Variants in ASB2 observed in about 807,000 individuals in gnomAD.
ASB2 encodes the protein ankyrin repeat and SOCS box containing 2.
ASB2 carries 58 observed loss-of-function variants against 62.4 expected under a neutral mutation model. The observed-to-expected ratio is 0.93, with a 90% CI of 0.75 to 1.16. The LOEUF (loss-of-function observed/expected upper bound fraction) is 1.16, where lower values mean the gene tolerates loss of function less well. Ranked by LOEUF, ASB2 falls within the 50% of genes most tolerant of loss-of-function variation. The pLI is 0.00. For missense variants in ASB2, 928 were observed against 887.9 expected (o/e 1.05, Z -0.57); for synonymous variants, 386 against 385.3 (o/e 1.00, Z -0.02).
intron 1 of ASB2, among the ~76,000 whole-genome samples, chr14:93,975,331 G>A (rs1463931763): frequency 2.6e-5 from 4 of 152,160 alleles, no homozygotes; most frequent in East Asian, 3.8e-4. Context: ...TCATTCCAGT[G>A]CATACCCCTG....
chr14:93,954,325 A>C lies in ASB2; in HGVS notation c.470T>G (p.Leu157Arg), dbSNP rs1217863025. 1.2e-6 allele frequency: 2 copies of C among 1,613,110 alleles called. No homozygotes were observed. Among genetic ancestry groups the C allele is most frequent in the African/African-American group, 1.3e-5 (1 of 74,916 alleles). The change falls in exon 4 of 10, where the codon CTG (leucine) becomes CGG (arginine). Residue 157 changes from leucine (L) to arginine (R), a missense_variant. By Grantham distance (102) the Leu-to-Arg change is moderately radical. Coordinates refer to ENST00000555019, the MANE Select transcript of ASB2 (RefSeq NM_001202429.2). The stretch of plus-strand genomic sequence containing the variant: ...CAGAGCCCAGCCCTCACCTCGCTGC[A>C]GGACTTTCAGGCAGCCCACCTGGCC... ...YYGQVGCLKV[L>R]QRAYPGTIDQ...
Position 93,964,371 on chromosome 14 carries a change from T to C in ASB2, c.169A>G (p.Thr57Ala). The C allele has an allele frequency of 6.5e-7, 1 of 1,536,168 alleles. No homozygotes were observed. The highest frequency in any genetic ancestry group is 8.7e-7 in the Non-Finnish European group (1 of 1,146,906). The change falls in exon 2 of 10, where the codon ACC becomes GCC. Residue 57 changes from threonine to alanine, a missense_variant. By Grantham distance (58) the Thr-to-Ala change is moderately conservative. Transcript: ENST00000555019. ...TTAEATASAC[T>A]NRQPAHFYPW... ...TAGAAATGGGCAGGTTGGCGGTTGG[T>C]ACATGCAGACGCGGTGGCCTCAGCA...
chr14:93,949,371 G>A (rs973583357), intron 6 of ASB2, among the ~76,000 whole-genome samples: 7 of 152,252 alleles, frequency 4.6e-5, no homozygotes, highest in Non-Finnish European at 1.0e-4. Context: ...GTCTCAGAAA[G>A]CCTTTAGGAG....
rs1406073931 is a variant in ASB2, at chr14:93,964,474, G to C, written c.66C>G (p.Tyr22Ter). The change falls in exon 2 of 10, where the codon TAC becomes TAG. Residue 22 changes from tyrosine to a stop codon, truncating the protein, a stop_gained. Coordinates refer to ENST00000555019, the MANE Select transcript of ASB2 (RefSeq NM_001202429.2). LOFTEE classifies it high-confidence loss of function. ...CCAGTTCATCCTCGCTCAGGCTGCT[G>C]TACAGGCTGTACTCCTCCTGCCCAA... ...CTIGQEEYSL[Y>*]SSLSEDELVQ... is the part of the protein sequence containing the mutation. The C allele has an allele frequency of 4.6e-6, 7 of 1,535,958 alleles. No individual in the cohort carries two copies. The highest frequency in any genetic ancestry group is 2.0e-5 in the Admixed American group (1 of 50,978).
chr14:93,956,343 G>A (rs200023080), intron 3 of ASB2, among the ~76,000 whole-genome samples: 4 of 152,206 alleles, frequency 2.6e-5, no homozygotes, highest in African/African-American at 7.2e-5. Flanking sequence ...GCGATGGCAT[G>A]GGGGAAAGTG....
chr14:93,942,917 C>A (rs560001835), intron 7 of ASB2, among the ~76,000 whole-genome samples: 57 of 152,300 alleles, frequency 3.7e-4, no homozygotes, highest in African/African-American at 1.3e-3. Flanking sequence ...CAGTGGGTTG[C>A]TGTGAGCACT....
intron 5 of ASB2, 95 bp downstream of exon 5, chr14:93,953,257 G>A (rs1272237159): frequency 1.8e-6 from 2 of 1,116,972 alleles, no homozygotes; most frequent in African/African-American, 1.6e-5. Context: ...GGGCCACGTT[G>A]GGGGTTATGC....
rs1244826846 is a variant in ASB2, at chr14:93,939,590, G to A, written c.1135C>T (p.Arg379Cys). Residue 379 changes from arginine (R) to cysteine (C), a missense_variant, in exon 8 of 10, where the codon CGC (arginine) becomes TGC (cysteine). Transcript: ENST00000555019. ...GVSPLHLAAE[R>C]NHDEVLEALL... is the part of the protein sequence containing the mutation. ...GCCTCCAGCACCTCGTCGTGGTTGC[G>A]CTCGGCCGCCAGGTGCAGCGGACTG... 2.5e-6 allele frequency: 4 copies of A among 1,573,634 alleles called. No homozygotes were observed. The highest frequency in any genetic ancestry group is 3.4e-6 in the Non-Finnish European group (4 of 1,165,344).
At chr14:93,957,617 G>A (rs963903364) in intron 2 of ASB2, among the ~76,000 whole-genome samples, 3 of 152,186 alleles carry the variant, frequency 2.0e-5, no homozygotes, top group Non-Finnish European at 4.4e-5. Flanking sequence ...TGAGGCCTGA[G>A]TAAGTGAATG....
Position 93,962,512 on chromosome 14 carries a change from G to A in ASB2, c.206+1822C>T, listed in dbSNP as rs141157723. Among the ~76,000 whole-genome samples, 161 of 152,268 alleles carry A rather than the reference G, an allele frequency of 1.1e-3. 1 individual carries two copies. Among genetic ancestry groups the A allele is most frequent in the African/African-American group, 3.6e-3 (150 of 41,536 alleles). On this transcript the variant is annotated intron_variant, in intron 2 of 9. Coordinates refer to ENST00000555019, the MANE Select transcript of ASB2 (RefSeq NM_001202429.2). The stretch of plus-strand genomic sequence containing the variant: ...CCCTCCTCTGCTATATTGCTTGTGG[G>A]GCTGGACCTCAGATGAGGGCTGCTC...
intron 2 of ASB2, among the ~76,000 whole-genome samples, chr14:93,963,877 T>G (rs1015483879): frequency 6.6e-6 from 1 of 152,080 alleles, no homozygotes; most frequent in Non-Finnish European, 1.5e-5. Context: ...ACTGAGAGGA[T>G]GAGGTGGGGC....
chr14:93,963,066 C>A (rs1889464204), intron 2 of ASB2, among the ~76,000 whole-genome samples: 1 of 152,242 alleles, frequency 6.6e-6, no homozygotes, highest in South Asian at 2.1e-4. Context: ...CAGCTCTGGG[C>A]CTCTGCCCAG....
At chr14:93,949,294 C>T (rs1320045395) in intron 6 of ASB2, among the ~76,000 whole-genome samples, 1 of 152,248 alleles carries the variant, frequency 6.6e-6, no homozygotes, top group Non-Finnish European at 1.5e-5. Flanking sequence ...CCAGCGGAAA[C>T]AGCACAGGCT....
intron 7 of ASB2, among the ~76,000 whole-genome samples, chr14:93,946,509 AT>A (rs1428457041): frequency 2.0e-5 from 3 of 152,212 alleles, no homozygotes; most frequent in Non-Finnish European, 4.4e-5. Flanking sequence ...CCCATGGCCA[AT>A]TTTAAGCTAT....
intron 5 of ASB2, among the ~76,000 whole-genome samples, chr14:93,952,586 A>T (rs1223666412): frequency 6.6e-6 from 1 of 152,238 alleles, no homozygotes; most frequent in Non-Finnish European, 1.5e-5. Flanking sequence ...AGAATGTAGT[A>T]GTTGAGGGCA....
chr14:93,943,830 C>G, intron 7 of ASB2: 1 of 412,546 alleles, frequency 2.4e-6, no homozygotes, highest in South Asian at 1.8e-5. Context: ...TGTCAGTGTG[C>G]TTTATAAGCT....
At chr14:93,938,353 C>T (rs112815965) in intron 8 of ASB2, among the ~76,000 whole-genome samples, 48 of 150,146 alleles carry the variant, frequency 3.2e-4, no homozygotes, top group African/African-American at 1.2e-3. Flanking sequence ...CATTCTCCTG[C>T]CTTAGCCTCC....
chr14:93,939,895 AAGCTCAGAGAGCTTC>A (rs1888454369), intron 7 of ASB2: 1 of 444,912 alleles, frequency 2.2e-6, no homozygotes, highest in Admixed American at 4.4e-5. Context: ...AAGGAAACTG[AAGCTCAGAGAGCTTC>A]AGCCACCCTC....
Position 93,951,074 on chromosome 14 carries a change from C to T in ASB2, c.805G>A (p.Ala269Thr), listed in dbSNP as rs148551449. The change falls in exon 6 of 10, where the codon GCC becomes ACC. Residue 269 changes from alanine (A) to threonine (T), a missense_variant. By Grantham distance (58) the Ala-to-Thr change is moderately conservative. Transcript: ENST00000555019. ...SGGAKVESKN[A>T]YGITPLFVAA... ...ACGAACAAGGGGGTGATGCCGTAGG[C>T]GTTCTTGGATTCCACCTTGGCTCCT... is the stretch of plus-strand genomic sequence containing the variant. 181 of 1,614,060 alleles carry T rather than the reference C, an allele frequency of 1.1e-4. No homozygotes were observed. The highest frequency in any genetic ancestry group is 1.5e-4 in the Admixed American group (9 of 60,008).
Sources: gnomAD v4.1 joint callset for allele counts (sites outside exome capture counted in the v4.1 genomes callset) on GRCh38, gnomAD v4.1.1 for gene constraint, MANE v1.5 for transcripts, NCBI Gene and HGNC (gene_info 2026-07-23, HGNC 2026-07-21) for gene names.